The following MBOAT2 variants were observed in gnomAD, a reference collection of about 807,000 sequenced individuals.
MBOAT2 encodes the protein membrane bound glycerophospholipid O-acyltransferase 2.
Under a neutral mutation model 63.4 loss-of-function variants are expected in MBOAT2, and 28 were observed. That is an observed-to-expected ratio of 0.44 (90% CI 0.33 to 0.61). The LOEUF is 0.61. Among genes scored for constraint, MBOAT2 ranks in the 20% least tolerant of loss-of-function variants. MBOAT2 has a pLI of 0.03. For missense variants in MBOAT2, 470 were observed against 605.8 expected, an observed-to-expected ratio of 0.78 and a Z score of 2.35; for synonymous variants, 211 against 215.6, an observed-to-expected ratio of 0.98 and a Z score of 0.19.
At chr2:8,916,663 GTTTGT>G (rs1573043962) in intron 3 of MBOAT2, among the ~76,000 whole-genome samples, 1 of 152,198 alleles carries the variant, frequency 6.6e-6, no homozygotes, top group African/African-American at 2.4e-5. Flanking sequence ...ACAAATGAGT[GTTTGT>G]TTTAACACGA....
At chr2:8,884,890 A>G (rs1663434298) in intron 5 of MBOAT2, among the ~76,000 whole-genome samples, 1 of 152,204 alleles carries the variant, frequency 6.6e-6, no homozygotes, top group South Asian at 2.1e-4. Context: ...AAAACCAATT[A>G]AAGACAAGAT....
intron 1 of MBOAT2, among the ~76,000 whole-genome samples, chr2:8,973,374 TG>T (rs1353493695): frequency 1.2e-4 from 3 of 25,240 alleles, no homozygotes; most frequent in African/African-American, 1.6e-4. Context: ...TGTCGTGGGG[TG>T]GGGGGAGGGG....
At chr2:8,909,140 T>C (rs767625188) in intron 3 of MBOAT2, among the ~76,000 whole-genome samples, 45 of 152,202 alleles carry the variant, frequency 3.0e-4, no homozygotes, top group Non-Finnish European at 6.6e-4. Context: ...AAAGCATACC[T>C]TCTAAGTATG....
chr2:8,954,436 T>C lies in MBOAT2; in HGVS notation c.221+4061A>G, dbSNP rs540931111. Among the ~76,000 whole-genome samples the C allele has an allele frequency of 2.3e-4, 35 of 152,110 alleles. No individual in the cohort carries two copies. In the East Asian group the frequency reaches 2.3e-3, roughly 10 times the overall value. The stretch of plus-strand genomic sequence containing the variant: ...AAAGAGCAGGGCCAAACAGAGCAGG[T>C]TGGCCTACAGATCCCCCAGTGGCAG... On this transcript the variant is annotated intron_variant, in intron 2 of 12. Transcript: ENST00000305997.
chr2:8,854,053 TA>T lies in MBOAT2; in HGVS notation c.*4625del, dbSNP rs1660927265. 1 of 152,226 alleles carries T rather than the reference TA, an allele frequency of 6.6e-6. No homozygotes were observed. Among genetic ancestry groups the T allele is most frequent in the Admixed American group, 6.5e-5 (1 of 15,278 alleles). 9.4% of individuals were successfully genotyped at this position (152,226 alleles called of 1,614,324 possible). On this transcript the variant is annotated 3_prime_UTR_variant, in exon 13 of 13. Coordinates refer to ENST00000305997, the MANE Select transcript of MBOAT2 (RefSeq NM_138799.4). ...CTCAAAAAGCAGCTTAAGCATTGAT[TA>T]TAAGAGCTTTCCTACAAAATACCGA...
At chr2:8,927,860 G>T (rs1295746507) in intron 3 of MBOAT2, among the ~76,000 whole-genome samples, 1 of 152,186 alleles carries the variant, frequency 6.6e-6, no homozygotes, top group African/African-American at 2.4e-5. Context: ...CTGCTACAAA[G>T]AAATATCTCT....
At chr2:8,991,919 C>T (rs781361268) in intron 1 of MBOAT2, among the ~76,000 whole-genome samples, 12 of 152,146 alleles carry the variant, frequency 7.9e-5, no homozygotes, top group African/African-American at 1.9e-4. Flanking sequence ...GGCTTTCAGA[C>T]GGTCATGCTG....
At chr2:8,959,294 T>C (rs1335613833) in intron 1 of MBOAT2, among the ~76,000 whole-genome samples, 1 of 152,172 alleles carries the variant, frequency 6.6e-6, no homozygotes, top group Non-Finnish European at 1.5e-5. Context: ...CCTCAATTTT[T>C]AAATTTCCTT....
At chr2:8,967,567 A>G (rs539552268) in intron 1 of MBOAT2, among the ~76,000 whole-genome samples, 5 of 150,774 alleles carry the variant, frequency 3.3e-5, no homozygotes, top group African/African-American at 1.2e-4. Flanking sequence ...AGGATTTTTA[A>G]AAAATAAAAT....
chr2:8,862,330 G>A lies in MBOAT2; in HGVS notation c.1185+260C>T. 4 of 1,400,798 alleles carry A rather than the reference G, an allele frequency of 2.9e-6. No homozygotes were observed. Among genetic ancestry groups the A allele is most frequent in the South Asian group, 2.4e-5 (2 of 81,664 alleles). The allele number at this position is 1,400,798 out of a possible 1,614,324, so 86.8% of individuals were successfully genotyped here. ...TCTCTCCTTCAGAAAATTCTGTAAAGACAAAGTAACATTTTGTGAGTGCCT... is the reference window on the plus strand; with the variant it reads ...TCTCTCCTTCAGAAAATTCTGTAAAAACAAAGTAACATTTTGTGAGTGCCT... On this transcript the variant is annotated intron_variant, in intron 11 of 12. Coordinates refer to ENST00000305997, the MANE Select transcript of MBOAT2 (RefSeq NM_138799.4). The surrounding 1 kb of genome is among the most constrained non-coding windows in gnomAD (Gnocchi z 4.3).
chr2:8,998,930 T>C (rs764773710), intron 1 of MBOAT2, among the ~76,000 whole-genome samples: 4 of 152,230 alleles, frequency 2.6e-5, no homozygotes, highest in Non-Finnish European at 4.4e-5. Context: ...TGAAGCTAAA[T>C]ACTTCAGGTC....
At chr2:8,863,592 T>A (rs899179094) in intron 10 of MBOAT2, among the ~76,000 whole-genome samples, 1 of 152,118 alleles carries the variant, frequency 6.6e-6, no homozygotes. Flanking sequence ...TCTTCCCGCA[T>A]CCCTCTGTGC....
chr2:8,975,695 A>G (rs1366251628), intron 1 of MBOAT2, among the ~76,000 whole-genome samples: 2 of 151,744 alleles, frequency 1.3e-5, no homozygotes, highest in Non-Finnish European at 2.9e-5. Context: ...CATTCTGTAA[A>G]CACTTCTTGT....
chr2:8,974,410 C>T (rs1443706153), intron 1 of MBOAT2: 6 of 456,526 alleles, frequency 1.3e-5, no homozygotes, highest in South Asian at 7.7e-5. Flanking sequence ...AGGGGAAAGA[C>T]ACCCGGGAAT....
chr2:8,878,762 T>C (rs1030494801), intron 6 of MBOAT2, among the ~76,000 whole-genome samples: 1 of 152,254 alleles, frequency 6.6e-6, no homozygotes, highest in Non-Finnish European at 1.5e-5. Context: ...TTTCCAGAAT[T>C]ATTTTTCCAC....
intron 3 of MBOAT2, among the ~76,000 whole-genome samples, chr2:8,916,473 G>A (rs185808858): frequency 4.6e-5 from 7 of 152,276 alleles, no homozygotes; most frequent in Admixed American, 2.0e-4. Context: ...GTTCACTTAC[G>A]TGTTGGATAT....
At chr2:8,989,976 G>C (rs1198017964) in intron 1 of MBOAT2, among the ~76,000 whole-genome samples, 1 of 152,142 alleles carries the variant, frequency 6.6e-6, no homozygotes, top group African/African-American at 2.4e-5. Context: ...AGCTTGTAAG[G>C]GATGCTACGT....
At chr2:8,874,407 T>C (rs1038499228) in intron 7 of MBOAT2, among the ~76,000 whole-genome samples, 2 of 152,126 alleles carry the variant, frequency 1.3e-5, no homozygotes, top group African/African-American at 2.4e-5. Flanking sequence ...GATTTTAAAA[T>C]GGTAGAGAAA....
At chr2:8,894,305 T>C (rs969685965) in intron 4 of MBOAT2, among the ~76,000 whole-genome samples, 2 of 152,160 alleles carry the variant, frequency 1.3e-5, no homozygotes, top group Non-Finnish European at 2.9e-5. Flanking sequence ...AAACCATAAA[T>C]AGATCCATCT....
Sources: gnomAD v4.1 joint callset for allele counts (sites outside exome capture counted in the v4.1 genomes callset) on GRCh38, gnomAD v4.1.1 for gene constraint, Gnocchi (gnomAD v3.1) non-coding constraint, MANE v1.5 for transcripts, NCBI Gene and HGNC (gene_info 2026-07-23, HGNC 2026-07-21) for gene names.